FAM168A: variants seen among roughly 807,000 people sequenced by gnomAD.
The protein encoded by FAM168A is family with sequence similarity 168 member A.
FAM168A carries 3 observed loss-of-function variants against 28.5 expected under a neutral mutation model. The ratio of observed to expected loss-of-function variants is 0.11; its 90% CI spans 0.05 to 0.27. The LOEUF (loss-of-function observed/expected upper bound fraction) is 0.27. FAM168A is among the 10% of genes least tolerant of loss of function. FAM168A has a pLI of 1.00. For synonymous variants in FAM168A, 122 were observed against 124.2 expected, an observed-to-expected ratio of 0.98 and a Z score of 0.12; for missense variants, 222 against 311.5, an observed-to-expected ratio of 0.71 and a Z score of 2.16.
chr11:73,577,016 C>T (rs1404946716), intron 1 of FAM168A, among the ~76,000 whole-genome samples: 1 of 151,850 alleles, frequency 6.6e-6, no homozygotes, highest in African/African-American at 2.4e-5. Context: ...ATGACATTTA[C>T]AGACTTGAAT....
intron 2 of FAM168A, among the ~76,000 whole-genome samples, chr11:73,443,613 G>A (rs1028549637): frequency 6.6e-6 from 1 of 152,128 alleles, no homozygotes; most frequent in African/African-American, 2.4e-5. Context: ...CCCTACTGTT[G>A]TGGACACTGA....
At chr11:73,540,869 G>A (rs1018625535) in intron 1 of FAM168A, among the ~76,000 whole-genome samples, 4 of 152,150 alleles carry the variant, frequency 2.6e-5, no homozygotes. Flanking sequence ...ACTTTGAGCA[G>A]TGACCACTAG....
At chr11:73,418,034 G>A (rs1866725997) in intron 4 of FAM168A, among the ~76,000 whole-genome samples, 1 of 152,160 alleles carries the variant, frequency 6.6e-6, no homozygotes, top group South Asian at 2.1e-4. Context: ...AAATAACTTA[G>A]TAGACTGAGT....
intron 1 of FAM168A, among the ~76,000 whole-genome samples, chr11:73,528,890 C>A (rs1943481012): frequency 6.6e-6 from 1 of 152,096 alleles, no homozygotes; most frequent in South Asian, 2.1e-4. Context: ...AAGTGGTCTA[C>A]CTAACTTCAG....
At chr11:73,520,419 T>C (rs1476946800) in intron 1 of FAM168A, among the ~76,000 whole-genome samples, 1 of 152,186 alleles carries the variant, frequency 6.6e-6, no homozygotes, top group African/African-American at 2.4e-5. Context: ...AAGTAATAAA[T>C]GCTGGTACTG....
In FAM168A at chr11:73,411,780, G is replaced by C. The variant is rs372460495; in HGVS notation, c.278-244C>G. Among the ~76,000 whole-genome samples the C allele has an allele frequency of 5.3e-4, 80 of 152,128 alleles. 2 individuals are homozygous for C. The highest frequency in any genetic ancestry group is 2.9e-3 in the Admixed American group (45 of 15,294). ...CATCTTTTCTTTCTCTGGGTCTCAG[G>C]GCTCTCATCTATAAAATAAGAGGCT... On this transcript the variant is annotated intron_variant, in intron 4 of 7. Transcript: ENST00000356467.
At chr11:73,451,232 C>G (rs972283634) in intron 2 of FAM168A, among the ~76,000 whole-genome samples, 1 of 152,142 alleles carries the variant, frequency 6.6e-6, no homozygotes, top group Non-Finnish European at 1.5e-5. Flanking sequence ...ATCCAGAGTT[C>G]CCTATAAATA....
chr11:73,406,429 C>T lies in FAM168A; in HGVS notation c.*334G>A, dbSNP rs1394299741. 6.6e-6 allele frequency: 1 copy of T among 152,148 alleles called. No homozygotes were observed. Among genetic ancestry groups the T allele is most frequent in the Non-Finnish European group, 1.5e-5 (1 of 68,072 alleles). 9.4% of individuals were successfully genotyped at this position (152,148 alleles called of 1,614,324 possible). On this transcript the variant is annotated 3_prime_UTR_variant, in exon 8 of 8. Transcript: ENST00000356467. ...GAACCACTGCAATAAACCCTACTCT[C>T]TGCTTGCCTCTAGACTGGGATCCCC...
chr11:73,475,835 T>C (rs1867880884), intron 1 of FAM168A, among the ~76,000 whole-genome samples: 1 of 152,142 alleles, frequency 6.6e-6, no homozygotes, highest in Non-Finnish European at 1.5e-5. Context: ...AGTGGGCTGA[T>C]TTAATTTGAA....
At position 73,591,690 on chromosome 11, in the gene FAM168A, T is replaced by C. The variant is rs546861100; in HGVS notation, c.-19+6233A>G. Among the ~76,000 whole-genome samples the C allele has an allele frequency of 6.9e-4, 105 of 152,298 alleles. 3 individuals carry two copies. The South Asian group carries it at 0.02, about 29-fold the overall frequency. On this transcript the variant is annotated intron_variant, in intron 1 of 7. Transcript: ENST00000356467. ...ACATCCAGATAATATTTTTGTTTTT[T>C]GTAGAGACTGGATCTCACTATGTTG...
chr11:73,527,609 T>C (rs981578895), intron 1 of FAM168A, among the ~76,000 whole-genome samples: 7 of 152,164 alleles, frequency 4.6e-5, no homozygotes, highest in African/African-American at 1.7e-4. Flanking sequence ...TGGATTGCTA[T>C]TGTCATTATT....
intron 1 of FAM168A, among the ~76,000 whole-genome samples, chr11:73,597,097 A>G (rs899759361): frequency 6.6e-6 from 1 of 151,304 alleles, no homozygotes; most frequent in Non-Finnish European, 1.5e-5. Context: ...TGTGCCCCAC[A>G]CTCCATTTCC....
intron 1 of FAM168A, among the ~76,000 whole-genome samples, chr11:73,480,563 T>C (rs1486993066): frequency 6.6e-6 from 1 of 152,146 alleles, no homozygotes; most frequent in East Asian, 1.9e-4. Flanking sequence ...TAATACAAGG[T>C]GCTGCATTAG....
chr11:73,488,963 A>G (rs1868091764), intron 1 of FAM168A, among the ~76,000 whole-genome samples: 1 of 152,058 alleles, frequency 6.6e-6, no homozygotes. Context: ...ATCTCAGCTC[A>G]CTGCAACCTC....
Position 73,510,256 on chromosome 11 carries a change from T to C in FAM168A, c.-18-41764A>G, listed in dbSNP as rs544695227. Among the ~76,000 whole-genome samples, 43 of 152,256 alleles carry C rather than the reference T, an allele frequency of 2.8e-4. 1 individual carries two copies. The highest frequency in any genetic ancestry group is 4.9e-4 in the Non-Finnish European group (33 of 68,024). ...ATCCCCATTATGCAAAACCTGATAA[T>C]AACCACTAATTTAATAAACCTGAGA... is the stretch of plus-strand genomic sequence containing the variant. On this transcript the variant is annotated intron_variant, in intron 1 of 7. Coordinates refer to ENST00000356467, the MANE Select transcript of FAM168A (RefSeq NM_015159.3).
intron 2 of FAM168A, 29 bp from the exon 3 acceptor site, chr11:73,430,799 A>T: frequency 6.6e-7 from 1 of 1,517,464 alleles, no homozygotes. Flanking sequence ...AGGCTTATTT[A>T]GTTAGGCAAA....
At chr11:73,436,674 C>T (rs1201540109) in intron 2 of FAM168A, among the ~76,000 whole-genome samples, 1 of 152,098 alleles carries the variant, frequency 6.6e-6, no homozygotes, top group African/African-American at 2.4e-5. Flanking sequence ...ATTACTAGTT[C>T]CATTTTAGAG....
At chr11:73,550,346 C>T (rs1428632607) in intron 1 of FAM168A, among the ~76,000 whole-genome samples, 2 of 152,068 alleles carry the variant, frequency 1.3e-5, no homozygotes, top group Admixed American at 1.3e-4. Flanking sequence ...GAGATAAATC[C>T]CAATTAAGTT....
At chr11:73,499,705 C>T (rs1854965912) in intron 1 of FAM168A, among the ~76,000 whole-genome samples, 2 of 152,008 alleles carry the variant, frequency 1.3e-5, no homozygotes, top group Non-Finnish European at 2.9e-5. Context: ...CTGAAAAACA[C>T]AGCACAAGAA....
Sources: allele counts gnomAD v4.1 joint callset (sites outside exome capture counted in the v4.1 genomes callset), GRCh38; gene constraint gnomAD v4.1.1; transcripts MANE v1.5; gene names NCBI Gene and HGNC (gene_info 2026-07-23, HGNC 2026-07-21).